The following ST8SIA2 variants were observed in gnomAD, a reference collection of about 807,000 sequenced individuals.
ST8SIA2 encodes alpha-2,8-sialyltransferase 8B.
ST8SIA2 carries 22 observed loss-of-function variants against 37.6 expected under a neutral mutation model. The ratio of observed to expected loss-of-function variants is 0.58; its 90% CI spans 0.42 to 0.83. The LOEUF (loss-of-function observed/expected upper bound fraction) is 0.83, where lower values mean the gene tolerates loss of function less well. ST8SIA2 is among the 40% of genes least tolerant of loss of function. The pLI, the probability that ST8SIA2 is intolerant of heterozygous loss-of-function variation, is 0.00. For missense variants in ST8SIA2, 382 were observed against 484.7 expected (o/e 0.79, Z 1.99); for synonymous variants, 205 against 201.2 (o/e 1.02, Z -0.16).
chr15:92,435,373 C>T (rs1400635726), intron 3 of ST8SIA2, among the ~76,000 whole-genome samples: 1 of 152,122 alleles, frequency 6.6e-6, no homozygotes, highest in Non-Finnish European at 1.5e-5. Flanking sequence ...TTCCCACATG[C>T]ACAGAGTCTG....
At chr15:92,446,983 G>A (rs2049847330) in intron 5 of ST8SIA2, among the ~76,000 whole-genome samples, 1 of 152,150 alleles carries the variant, frequency 6.6e-6, no homozygotes, top group South Asian at 2.1e-4. Context: ...TAAGTTTGAG[G>A]GGCAGTGAAG....
intron 4 of ST8SIA2, among the ~76,000 whole-genome samples, chr15:92,440,626 G>A (rs1451416049): frequency 2.0e-5 from 3 of 152,186 alleles, no homozygotes; most frequent in South Asian, 2.1e-4. Context: ...CCTGTGGGGT[G>A]TTTTAGGACA....
chr15:92,438,608 C>T lies in ST8SIA2; in HGVS notation c.546C>T (p.Ile182=). ...GQEIDAHSFV[I]RCNLAPVQEY... The stretch of plus-strand genomic sequence containing the variant: ...AGATTGACGCCCACAGCTTCGTCAT[C>T]AGGTAACATGCCCCAGCAGGCACTC... Residue 182 remains isoleucine, a splice_region_variant and synonymous_variant, in exon 4 of 6, where the codon ATC becomes ATT. Coordinates refer to ENST00000268164, the MANE Select transcript of ST8SIA2 (RefSeq NM_006011.4). 6.2e-7 allele frequency: 1 copy of T among 1,605,360 alleles called. No homozygotes were observed. The highest frequency in any genetic ancestry group is 8.5e-7 in the Non-Finnish European group (1 of 1,175,160).
At chr15:92,444,568 G>T in intron 4 of ST8SIA2, 68 bp from the exon 5 acceptor site, 3 of 1,601,728 alleles carry the variant, frequency 1.9e-6, no homozygotes, top group Non-Finnish European at 2.6e-6. Context: ...CAAAGGATGG[G>T]ATCGAGTTAA....
chr15:92,464,142 C>A lies in ST8SIA2; in HGVS notation c.885C>A (p.Thr295=). The A allele has an allele frequency of 6.2e-7, 1 of 1,606,014 alleles. No homozygotes were observed. Among genetic ancestry groups the A allele is most frequent in the Non-Finnish European group, 8.5e-7 (1 of 1,176,522 alleles). ...TNKVHIKRPT[T]GLLMYTLATR... ...AAGTCCACATCAAAAGACCCACCAC[C>A]GGCCTCTTGATGTATACCCTGGCCA... Residue 295 remains threonine, a synonymous_variant, in exon 6 of 6, where the codon ACC becomes ACA. Transcript: ENST00000268164.
intron 3 of ST8SIA2, among the ~76,000 whole-genome samples, chr15:92,436,527 G>A (rs932930967): frequency 2.1e-4 from 32 of 152,300 alleles, no homozygotes; most frequent in African/African-American, 7.7e-4. Flanking sequence ...ATAATTGATG[G>A]TAATTTCTCC....
chr15:92,465,449 G>A lies in ST8SIA2; in HGVS notation c.*1064G>A, dbSNP rs1343406179. ...TGATTGCCTTTTTGGGTGCCTCACA[G>A]AGCCCCAGAGTGTGAGACCTGAAAG... On this transcript the variant is annotated 3_prime_UTR_variant, in exon 6 of 6. Transcript: ENST00000268164. 6.6e-6 allele frequency: 1 copy of A among 152,164 alleles called. No homozygotes were observed. Among genetic ancestry groups the A allele is most frequent in the Non-Finnish European group, 1.5e-5 (1 of 68,038 alleles). 9.4% of individuals were successfully genotyped at this position (152,164 alleles called of 1,614,324 possible). A position where few individuals can be genotyped will look rare whatever the true frequency, so the allele number is the denominator to read the frequency against.
rs139149207 is a variant in ST8SIA2 at position 92,464,555 on chromosome 15, C to A, written c.*170C>A. On this transcript the variant is annotated 3_prime_UTR_variant, in exon 6 of 6. Coordinates refer to ENST00000268164, the MANE Select transcript of ST8SIA2 (RefSeq NM_006011.4). The stretch of plus-strand genomic sequence containing the variant: ...ATCTATACCTGCATATATATATTGA[C>A]CTGAGTATTTATAACTGTGTGGTGT... 3,156 of 714,170 alleles carry A rather than the reference C, an allele frequency of 4.4e-3. 14 individuals are homozygous for A. Among genetic ancestry groups the A allele is most frequent in the Admixed American group, 7.6e-3 (321 of 42,022 alleles). 44.2% of individuals were successfully genotyped at this position (714,170 alleles called of 1,614,324 possible).
At chr15:92,449,020 C>T (rs1191215380) in intron 5 of ST8SIA2, among the ~76,000 whole-genome samples, 2 of 150,966 alleles carry the variant, frequency 1.3e-5, no homozygotes, top group Non-Finnish European at 2.9e-5. Context: ...TTTTCTTTTT[C>T]AACTTTTATT....
chr15:92,395,532 T>G (rs1190482149), intron 1 of ST8SIA2, among the ~76,000 whole-genome samples: 3 of 152,192 alleles, frequency 2.0e-5, no homozygotes, highest in Admixed American at 6.5e-5. Flanking sequence ...TCCCTGCCTC[T>G]TTCTCCTCTC....
chr15:92,456,107 G>C (rs3784727), intron 5 of ST8SIA2, among the ~76,000 whole-genome samples: 56,191 of 152,218 alleles, frequency 0.37, 11,358 homozygotes, highest in Admixed American at 0.48. Flanking sequence ...TGGACCTCCT[G>C]CTGGGCCACA....
At position 92,464,398 on chromosome 15, in the gene ST8SIA2, A is replaced by G. The variant is rs2049978727; in HGVS notation, c.*13A>G. The G allele has an allele frequency of 6.2e-7, 1 of 1,613,008 alleles. No individual in the cohort carries two copies. Among genetic ancestry groups the G allele is most frequent in the Non-Finnish European group, 8.5e-7 (1 of 1,180,014 alleles). On this transcript the variant is annotated 3_prime_UTR_variant, in exon 6 of 6. Transcript: ENST00000268164. Reference sequence around the variant, plus strand: ...TGGGGCCACGTAGGGTGGGCACCCCATGGGACTCAGTGGCTCACATTTCCT... The same window carrying G: ...TGGGGCCACGTAGGGTGGGCACCCCGTGGGACTCAGTGGCTCACATTTCCT...
chr15:92,459,701 C>T (rs1288450087), intron 5 of ST8SIA2, among the ~76,000 whole-genome samples: 1 of 152,104 alleles, frequency 6.6e-6, no homozygotes, highest in Admixed American at 6.6e-5. Flanking sequence ...CCAGGTCAAG[C>T]GATTCTCCTG....
Position 92,464,234 on chromosome 15 carries a change from C to T in ST8SIA2, c.977C>T (p.Pro326Leu). 7.4e-6 allele frequency: 12 copies of T among 1,614,088 alleles called. No individual in the cohort carries two copies. Among genetic ancestry groups the T allele is most frequent in the Non-Finnish European group, 9.3e-6 (11 of 1,180,024 alleles). The stretch of plus-strand genomic sequence containing the variant: ...TTTCCGCTGGATCAGAACCAGAACC[C>T]AGTCAAGTACCACTATTATGACAGC... ...WPFPLDQNQNPVKYHYYDSLK... is the reference protein window; with the variant it reads ...WPFPLDQNQNLVKYHYYDSLK... Residue 326 changes from proline to leucine, a missense_variant, in exon 6 of 6, where the codon CCA becomes CTA. Physicochemically the swap from Pro to Leu is moderately conservative, Grantham distance 98 (BLOSUM62 -3). Coordinates refer to ENST00000268164, the MANE Select transcript of ST8SIA2 (RefSeq NM_006011.4).
intron 1 of ST8SIA2, among the ~76,000 whole-genome samples, chr15:92,414,938 G>T (rs1408619725): frequency 1.3e-5 from 2 of 152,194 alleles, no homozygotes; most frequent in Admixed American, 6.5e-5. Context: ...TCAGGAAGTG[G>T]CTCACAGGGA....
At chr15:92,414,329 AG>A (rs1384432267) in intron 1 of ST8SIA2, among the ~76,000 whole-genome samples, 2 of 152,194 alleles carry the variant, frequency 1.3e-5, no homozygotes, top group African/African-American at 4.8e-5. Context: ...GTAGTGACCC[AG>A]GTACATTGGC....
At position 92,438,550 on chromosome 15, in the gene ST8SIA2, C is replaced by T. The variant is rs758834762; in HGVS notation, c.488C>T (p.Ser163Leu). The T allele has an allele frequency of 1.9e-6, 3 of 1,614,030 alleles. No homozygotes were observed. The highest frequency in any genetic ancestry group is 1.7e-6 in the Non-Finnish European group (2 of 1,179,936). Residue 163 changes from serine to leucine, a missense_variant, in exon 4 of 6, where the codon TCG becomes TTG. Coordinates refer to ENST00000268164, the MANE Select transcript of ST8SIA2 (RefSeq NM_006011.4). Reference sequence around the variant, plus strand: ...GGGACTTGTGCCATCGTGGGCAACTCGGGGGTCTTGCTGAACAGCGGCTGT... The same window carrying T: ...GGGACTTGTGCCATCGTGGGCAACTTGGGGGTCTTGCTGAACAGCGGCTGT... ...HFGTCAIVGN[S>L]GVLLNSGCGQ...
At chr15:92,407,775 T>C (rs530641856) in intron 1 of ST8SIA2, among the ~76,000 whole-genome samples, 1 of 152,348 alleles carries the variant, frequency 6.6e-6, no homozygotes, top group African/African-American at 2.4e-5. Flanking sequence ...AATTTAATTG[T>C]ATTTATTTTT....
intron 5 of ST8SIA2, among the ~76,000 whole-genome samples, chr15:92,454,679 C>A (rs1056393513): frequency 3.2e-4 from 48 of 151,768 alleles, no homozygotes; most frequent in African/African-American, 1.0e-3. Flanking sequence ...CAGGGCCCGG[C>A]CTCTGGTGCC....
Sources: allele counts gnomAD v4.1 joint callset (sites outside exome capture counted in the v4.1 genomes callset), GRCh38; gene constraint gnomAD v4.1.1; transcripts MANE v1.5; gene names NCBI Gene and HGNC (gene_info 2026-07-23, HGNC 2026-07-21).